The following ZNF782 variants were observed in gnomAD, a reference collection of about 807,000 sequenced individuals.
The protein encoded by ZNF782 is zinc finger protein 782.
ZNF782 carries 12 observed loss-of-function variants against 13.0 expected under a neutral mutation model. The observed-to-expected ratio is 0.92, with a 90% CI of 0.59 to 1.50. The LOEUF (loss-of-function observed/expected upper bound fraction) is 1.50. ZNF782 is among the 40% of genes most tolerant of loss of function. The pLI is 0.00. For missense variants in ZNF782, 770 were observed against 822.9 expected (o/e 0.94, Z 0.79); for synonymous variants, 284 against 283.0 (o/e 1.00, Z -0.04).
the ZNF782 span, among the ~76,000 whole-genome samples, chr9:96,885,793 TTTCC>T: frequency 7.9e-5 from 12 of 152,078 alleles, no homozygotes; most frequent in Non-Finnish European, 1.2e-4. Flanking sequence ...ATAACTTATT[TTTCC>T]TTCCTTCCTT....
In ZNF782 at chr9:96,852,161, T is replaced by C. The variant is rs1851509274; in HGVS notation, c.-44-156A>G. On this transcript the variant is annotated intron_variant, in intron 2 of 5. Transcript: ENST00000481138. ...AGGCATGAGAAGCACCACGTAGAGG[T>C]GGCACTGTCTACGACAACTCTGAAA... Among the ~76,000 whole-genome samples, 4 of 149,222 alleles carry C rather than the reference T, an allele frequency of 2.7e-5. 1 individual carries two copies. Among genetic ancestry groups the C allele is most frequent in the South Asian group, 2.1e-4 (1 of 4,804 alleles).
the ZNF782 span, among the ~76,000 whole-genome samples, chr9:96,897,301 C>A: frequency 6.6e-6 from 1 of 152,172 alleles, no homozygotes; most frequent in Non-Finnish European, 1.5e-5. Context: ...TGTTGTGGCT[C>A]TTTTCATATC....
chr9:96,896,413 TAAG>T, the ZNF782 span, among the ~76,000 whole-genome samples: 1 of 152,142 alleles, frequency 6.6e-6, no homozygotes, highest in Admixed American at 6.5e-5. Context: ...CTGGAAGCAG[TAAG>T]AAGTAGCAAC....
chr9:96,844,826 A>C (rs1203113472), intron 4 of ZNF782, 64 bp downstream of exon 4: 2 of 1,610,948 alleles, frequency 1.2e-6, no homozygotes, highest in African/African-American at 2.7e-5. Flanking sequence ...CGGTATGGAG[A>C]GAGAGAAAGA....
At chr9:96,862,642 C>A (rs1024005943) in intron 1 of ZNF782, among the ~76,000 whole-genome samples, 17 of 152,268 alleles carry the variant, frequency 1.1e-4, no homozygotes, top group African/African-American at 4.1e-4. Context: ...TACCACTTTG[C>A]TAATAGTATA....
At chr9:96,920,830 G>C in the ZNF782 span, among the ~76,000 whole-genome samples, 82 of 150,138 alleles carry the variant, frequency 5.5e-4, 1 homozygote, top group Admixed American at 5.3e-3. Context: ...GAGGAGAATC[G>C]CTTGAACCCA....
the ZNF782 span, chr9:96,894,305 C>A: frequency 6.6e-6 from 1 of 152,086 alleles, no homozygotes; most frequent in African/African-American, 2.4e-5. Context: ...AACAAACCTG[C>A]ACGTTGTGCA....
At chr9:96,919,718 T>C in the ZNF782 span, among the ~76,000 whole-genome samples, 3 of 149,956 alleles carry the variant, frequency 2.0e-5, no homozygotes, top group Admixed American at 2.0e-4. Context: ...CGTGTACCAC[T>C]ACGCCCAGCT....
At position 96,817,670 on chromosome 9, in the gene ZNF782, A is replaced by G; in HGVS notation, c.*253T>C. The G allele has an allele frequency of 5.5e-6, 2 of 360,688 alleles. No homozygotes were observed. Among genetic ancestry groups the G allele is most frequent in the Non-Finnish European group, 9.9e-6 (2 of 202,590 alleles). The allele number at this position is 360,688 out of a possible 1,614,324, so 22.3% of individuals were successfully genotyped here. A position where few individuals can be genotyped will look rare whatever the true frequency, so the allele number is the denominator to read the frequency against. ...GTTCGCAAGAGTATTTTCCATATTC[A>G]TTATGTTTATAGGGTTTCTTTGCTG... is the stretch of plus-strand genomic sequence containing the variant. On this transcript the variant is annotated 3_prime_UTR_variant, in exon 6 of 6. Transcript: ENST00000481138.
At chr9:96,866,405 C>A (rs1328224952) in intron 1 of ZNF782, among the ~76,000 whole-genome samples, 1 of 152,170 alleles carries the variant, frequency 6.6e-6, no homozygotes, top group East Asian at 1.9e-4. Flanking sequence ...TGGTGTCGAG[C>A]CTGCAGGTGC....
chr9:96,835,120 A>G (rs991784663), intron 4 of ZNF782, among the ~76,000 whole-genome samples: 4 of 152,242 alleles, frequency 2.6e-5, no homozygotes, highest in African/African-American at 9.6e-5. Context: ...TCCATGCCTC[A>G]GGGCTTTATG....
upstream of ZNF782, among the ~76,000 whole-genome samples, chr9:96,879,971 T>G (rs1851942946): frequency 6.6e-6 from 1 of 152,046 alleles, no homozygotes; most frequent in Admixed American, 6.6e-5. Context: ...TTTGTATGCC[T>G]TTTCTTTTCT....
the ZNF782 span, chr9:96,888,924 C>T: frequency 6.6e-6 from 1 of 152,182 alleles, no homozygotes; most frequent in Non-Finnish European, 1.5e-5. Flanking sequence ...AATTCCCGGC[C>T]CTGGACTGTC....
At chr9:96,906,258 G>T in the ZNF782 span, among the ~76,000 whole-genome samples, 1 of 151,116 alleles carries the variant, frequency 6.6e-6, no homozygotes, top group East Asian at 1.9e-4. Context: ...GACACCAGAC[G>T]TGTATGGGGT....
intron 1 of ZNF782, among the ~76,000 whole-genome samples, chr9:96,869,526 C>A (rs902050434): frequency 3.3e-5 from 5 of 152,140 alleles, no homozygotes; most frequent in Non-Finnish European, 7.3e-5. Flanking sequence ...GCCAAGAGAC[C>A]TGCACTTAGA....
At chr9:96,912,139 T>C in the ZNF782 span, among the ~76,000 whole-genome samples, 1 of 140,604 alleles carries the variant, frequency 7.1e-6, no homozygotes, top group Non-Finnish European at 1.5e-5. Context: ...AGTCGGAGGT[T>C]GTGGTGAGCC....
the ZNF782 span, among the ~76,000 whole-genome samples, chr9:96,905,401 A>T: frequency 6.6e-6 from 1 of 151,806 alleles, no homozygotes; most frequent in Non-Finnish European, 1.5e-5. Context: ...GTTACTCTAT[A>T]TGGTCTAAAA....
chr9:96,900,042 T>C, the ZNF782 span, among the ~76,000 whole-genome samples: 1 of 152,048 alleles, frequency 6.6e-6, no homozygotes, highest in African/African-American at 2.4e-5. Context: ...TAAGCAATCC[T>C]CTGACCTTGA....
the ZNF782 span, among the ~76,000 whole-genome samples, chr9:96,926,857 T>A: frequency 6.6e-6 from 1 of 152,134 alleles, no homozygotes; most frequent in Non-Finnish European, 1.5e-5. Flanking sequence ...TCAGTGAATG[T>A]TCACAGTGTG....
Sources: allele counts gnomAD v4.1 joint callset (sites outside exome capture counted in the v4.1 genomes callset), GRCh38; gene constraint gnomAD v4.1.1; transcripts MANE v1.5; gene names NCBI Gene and HGNC (gene_info 2026-07-23, HGNC 2026-07-21).